GYG1: variants seen among roughly 807,000 people sequenced by gnomAD.
The protein encoded by GYG1 is glycogenin-1.
Under a neutral mutation model 41.9 loss-of-function variants are expected in GYG1, and 44 were observed. The observed-to-expected ratio is 1.05, with a 90% confidence interval of 0.83 to 1.35. The LOEUF (loss-of-function observed/expected upper bound fraction) is 1.35. Ranked by LOEUF, GYG1 falls within the 40% of genes most tolerant of loss-of-function variation. The pLI, the probability that GYG1 is intolerant of heterozygous loss-of-function variation, is 0.00. For missense variants in GYG1, 429 were observed against 418.9 expected (o/e 1.02, Z -0.21); for synonymous variants, 141 against 158.1 (o/e 0.89, Z 0.81).
At chr3:149,004,092 A>G (rs1713260772) in intron 4 of GYG1, 1 of 152,206 alleles carries the variant, frequency 6.6e-6, no homozygotes, top group Non-Finnish European at 1.5e-5. Flanking sequence ...GGGTGGAAGG[A>G]TGATTCAGAA....
intron 5 of GYG1, among the ~76,000 whole-genome samples, chr3:149,023,775 G>A (rs1303268108): frequency 2.0e-5 from 3 of 152,220 alleles, no homozygotes; most frequent in Middle Eastern, 3.4e-3. Context: ...CTTCAGGGCC[G>A]GGAGTTCAAG....
chr3:149,028,705 A>ATTTTTTTTTTTTTTT lies in GYG1; in HGVS notation c.*1781_*1795dup, dbSNP rs71617496. 3.0e-5 allele frequency among the ~76,000 whole-genome samples: 4 copies of ATTTTTTTTTTTTTTT among 133,722 alleles called. No individual in the cohort carries two copies. Among genetic ancestry groups the ATTTTTTTTTTTTTTT allele is most frequent in the Non-Finnish European group, 3.2e-5 (2 of 63,392 alleles). 87.7% of individuals were successfully genotyped at this position (133,722 alleles called of 152,430 possible). On this transcript the variant is annotated 3_prime_UTR_variant, in exon 8 of 8. Coordinates refer to ENST00000345003, the MANE Select transcript of GYG1 (RefSeq NM_004130.4). Reference sequence around the variant, plus strand: ...GGTGGAAAAGCTGACATAGTTTTAAATTTTTTTTTTTTTTTTTTTTTTTCT... The same window carrying ATTTTTTTTTTTTTTT: ...GGTGGAAAAGCTGACATAGTTTTAAATTTTTTTTTTTTTTTTTTTTTTTTTTTTTTTTTTTTTTCT...
Position 149,026,912 on chromosome 3 carries a change from AC to A in GYG1, c.1033del (p.Asp346ThrfsTer25). On this transcript the variant is annotated frameshift_variant, in exon 8 of 8. Transcript: ENST00000345003. LOFTEE classifies it high-confidence loss of function. The part of the protein sequence containing the change: ...ADSFDNIKRK[L>X]DTYLQ ...ATTCCTTTGACAACATCAAGAGGAA[AC>A]TTGACACTTACCTCCAGTAGAAACA... 1 of 1,613,672 alleles carries A rather than the reference AC, an allele frequency of 6.2e-7. No individual in the cohort carries two copies. Among genetic ancestry groups the A allele is most frequent in the Non-Finnish European group, 8.5e-7 (1 of 1,179,536 alleles).
rs547392072 is a variant in GYG1, at chr3:149,027,257, G to A, written c.*324G>A. On this transcript the variant is annotated 3_prime_UTR_variant, in exon 8 of 8. Coordinates refer to ENST00000345003, the MANE Select transcript of GYG1 (RefSeq NM_004130.4). ...TCAGTTCTTAAAATCTGCAGAGCCT[G>A]GTTCAAAATCAGTCACTCCCTTCAG... is the stretch of plus-strand genomic sequence containing the variant. 25 of 349,766 alleles carry A rather than the reference G, an allele frequency of 7.1e-5. No individual in the cohort carries two copies. Among genetic ancestry groups the A allele is most frequent in the African/African-American group, 4.2e-4 (20 of 48,116 alleles). The allele number at this position is 349,766 out of a possible 1,614,324, so 21.7% of individuals were successfully genotyped here.
In GYG1 at chr3:149,028,750, G is replaced by A. The variant is rs543111075; in HGVS notation, c.*1817G>A. Among the ~76,000 whole-genome samples, 33 of 126,206 alleles carry A rather than the reference G, an allele frequency of 2.6e-4. No individual in the cohort carries two copies. The highest frequency in any genetic ancestry group is 6.4e-3 in the Middle Eastern group (1 of 156). 82.8% of individuals were successfully genotyped at this position (126,206 alleles called of 152,430 possible). A position where few individuals can be genotyped will look rare whatever the true frequency, so the allele number is the denominator to read the frequency against. On this transcript the variant is annotated 3_prime_UTR_variant, in exon 8 of 8. Coordinates refer to ENST00000345003, the MANE Select transcript of GYG1 (RefSeq NM_004130.4). ...TTTTCTTGAGGCAGAGTCTTGCTCT[G>A]TCAGTCAGTCACCAGGCTGGAGTGC...
intron 2 of GYG1, among the ~76,000 whole-genome samples, chr3:148,995,074 G>A (rs1047148968): frequency 8.5e-5 from 13 of 152,254 alleles, no homozygotes; most frequent in Middle Eastern, 3.4e-3. Context: ...GCATGGTGGC[G>A]CGTGCCTGTG....
intron 2 of GYG1, among the ~76,000 whole-genome samples, chr3:148,994,606 C>G (rs759096216): frequency 1.3e-5 from 2 of 152,108 alleles, no homozygotes; most frequent in African/African-American, 4.8e-5. Flanking sequence ...TTACATACAC[C>G]TTTACACAGT....
chr3:149,015,238 G>A (rs1713956184), intron 5 of GYG1, among the ~76,000 whole-genome samples: 3 of 152,160 alleles, frequency 2.0e-5, no homozygotes, highest in Admixed American at 6.5e-5. Context: ...GTGCATATTA[G>A]CATCCTAGTG....
chr3:149,003,207 C>T (rs1713198225), intron 4 of GYG1, among the ~76,000 whole-genome samples: 1 of 150,966 alleles, frequency 6.6e-6, no homozygotes, highest in Admixed American at 6.6e-5. Context: ...CCTCTGCCTC[C>T]TGGGTTCAAG....
chr3:149,027,149 A>G lies in GYG1; in HGVS notation c.*216A>G, dbSNP rs899661893. 3 of 561,190 alleles carry G rather than the reference A, an allele frequency of 5.3e-6. No individual in the cohort carries two copies. The South Asian group carries it at 7.4e-5, about 14-fold the overall frequency. 34.8% of individuals were successfully genotyped at this position (561,190 alleles called of 1,614,324 possible). A position where few individuals can be genotyped will look rare whatever the true frequency, so the allele number is the denominator to read the frequency against. ...GGACAGTGTTCTGCTTTTTAATCCT[A>G]TTTAGCTTGTTTCAGAAATTCTCAC... On this transcript the variant is annotated 3_prime_UTR_variant, in exon 8 of 8. Transcript: ENST00000345003.
intron 4 of GYG1, among the ~76,000 whole-genome samples, chr3:148,998,921 T>C (rs1712952494): frequency 1.3e-5 from 2 of 152,204 alleles, no homozygotes. Flanking sequence ...TCGGTGTAAC[T>C]CTTTTCAGCT....
chr3:149,014,435 G>A (rs909987801), intron 5 of GYG1, among the ~76,000 whole-genome samples: 6 of 152,104 alleles, frequency 3.9e-5, no homozygotes, highest in Non-Finnish European at 8.8e-5. Context: ...ATGCCATCTC[G>A]GTCGAAGAGG....
At position 149,029,653 on chromosome 3, in the gene GYG1, T is replaced by C. The variant is rs551660139; in HGVS notation, c.*2720T>C. Among the ~76,000 whole-genome samples, 1 of 152,156 alleles carries C rather than the reference T, an allele frequency of 6.6e-6. No homozygotes were observed. Among genetic ancestry groups the C allele is most frequent in the Non-Finnish European group, 1.5e-5 (1 of 68,034 alleles). ...ATGCTAATGCATAAACCTTGACAAG[T>C]AGTATAAATAAAACAAGAAAAAAAT... On this transcript the variant is annotated 3_prime_UTR_variant, in exon 8 of 8. Transcript: ENST00000345003.
rs114156848 is a variant in GYG1, at chr3:148,996,730, C to T, written c.319-12C>T. 2,674 of 1,611,170 alleles carry T rather than the reference C, an allele frequency of 1.7e-3. 44 individuals are homozygous for T. The African/African-American group carries it at 0.032, about 20-fold the overall frequency. ...AAACATTTCTGTAATGCTCTTTCTC[C>T]CCTTTGATCAGGTCCTAGCAAATAT... On this transcript the variant is annotated splice_polypyrimidine_tract_variant and intron_variant, in intron 3 of 7. Transcript: ENST00000345003.
In GYG1 at chr3:149,028,705, A is replaced by T. The variant is rs976068105; in HGVS notation, c.*1772A>T. ...GGTGGAAAAGCTGACATAGTTTTAA[A>T]TTTTTTTTTTTTTTTTTTTTTTTCT... is the stretch of plus-strand genomic sequence containing the variant. On this transcript the variant is annotated 3_prime_UTR_variant, in exon 8 of 8. Coordinates refer to ENST00000345003, the MANE Select transcript of GYG1 (RefSeq NM_004130.4). Among the ~76,000 whole-genome samples the T allele has an allele frequency of 7.5e-5, 10 of 133,740 alleles. No individual in the cohort carries two copies. The highest frequency in any genetic ancestry group is 4.3e-4 in the East Asian group (2 of 4,684). 87.7% of individuals were successfully genotyped at this position (133,740 alleles called of 152,430 possible).
chr3:149,010,292 G>C (rs1304879800), intron 5 of GYG1, among the ~76,000 whole-genome samples: 1 of 151,298 alleles, frequency 6.6e-6, no homozygotes, highest in African/African-American at 2.4e-5. Context: ...TTTTGGTAAC[G>C]TGCTTGTTTA....
At chr3:149,009,224 T>TTA in intron 4 of GYG1, 52 bp from the exon 5 acceptor site, 1 of 1,413,218 alleles carries the variant, frequency 7.1e-7, no homozygotes, top group Non-Finnish European at 1.0e-6. Flanking sequence ...CCTATAAAAT[T>TTA]ATTAAACTGT....
Position 149,006,243 on chromosome 3 carries a change from C to T in GYG1, c.482-3033C>T, listed in dbSNP as rs568782995. Among the ~76,000 whole-genome samples the T allele has an allele frequency of 3.9e-5, 6 of 151,966 alleles. No homozygotes were observed. In the South Asian group the frequency reaches 1.0e-3, roughly 26 times the overall value. On this transcript the variant is annotated intron_variant, in intron 4 of 7. Coordinates refer to ENST00000345003, the MANE Select transcript of GYG1 (RefSeq NM_004130.4). ...AACTATAGGCGCGTGCCACCATGCC[C>T]GGCTAATTTTTGTATTTTTAGTAGA...
intron 4 of GYG1, among the ~76,000 whole-genome samples, chr3:148,998,071 GT>G (rs1198907387): frequency 2.6e-5 from 4 of 152,202 alleles, no homozygotes; most frequent in African/African-American, 9.7e-5. Context: ...AGACCTATAA[GT>G]TTGTTAGATT....
Sources: gnomAD v4.1 joint callset for allele counts (sites outside exome capture counted in the v4.1 genomes callset) on GRCh38, gnomAD v4.1.1 for gene constraint, MANE v1.5 for transcripts, NCBI Gene and HGNC (gene_info 2026-07-23, HGNC 2026-07-21) for gene names.